CSMD3: variants seen among roughly 807,000 people sequenced by gnomAD.
CSMD3 encodes the protein CUB and Sushi multiple domains 3.
CSMD3 carries 177 observed loss-of-function variants against 435.2 expected under a neutral mutation model. The observed-to-expected ratio is 0.41, with a 90% CI of 0.36 to 0.46. The LOEUF is 0.46. CSMD3 is among the 20% of genes least tolerant of loss of function. The probability of loss-of-function intolerance (pLI) is 0.34; values close to 1 mark genes in which losing one functional copy is unlikely to be tolerated. For synonymous variants in CSMD3, 1,656 were observed against 1,520.5 expected (o/e 1.09, Z -2.07); for missense variants, 4,265 against 4,504.6 (o/e 0.95, Z 1.52).
intron 11 of CSMD3, among the ~76,000 whole-genome samples, chr8:112,857,515 T>G (rs2129824719): frequency 6.6e-6 from 1 of 151,870 alleles, no homozygotes; most frequent in African/African-American, 2.4e-5. Flanking sequence ...AATGCAAGAT[T>G]AATTAAATGT....
rs138071991 is a variant in CSMD3, at chr8:113,284,292, T to C, written c.402-5588A>G. On this transcript the variant is annotated intron_variant, in intron 2 of 70. Transcript: ENST00000297405. ...AAACCAGTGCTTCTGTCAATGTATG[T>C]CATGGAGGAGTCTCTCAGTAAGTAC... is the stretch of plus-strand genomic sequence containing the variant. Among the ~76,000 whole-genome samples, 430 of 152,272 alleles carry C rather than the reference T, an allele frequency of 2.8e-3. 2 individuals carry two copies. Among genetic ancestry groups the C allele is most frequent in the African/African-American group, 9.6e-3 (400 of 41,562 alleles).
intron 3 of CSMD3, among the ~76,000 whole-genome samples, chr8:113,224,684 A>G (rs2093006479): frequency 6.6e-6 from 1 of 151,334 alleles, no homozygotes; most frequent in African/African-American, 2.4e-5. Context: ...ATAGAACATT[A>G]TAATTACTAT....
chr8:112,506,830 C>T lies in CSMD3; in HGVS notation c.4757-1G>A, dbSNP rs770781490. ...CCTGTTAAATTGCCTCCACAGGGTG[C>T]TTTAATTTAAACAAACAAATAAAAT... On this transcript the variant is annotated splice_acceptor_variant, in intron 28 of 70. Coordinates refer to ENST00000297405, the MANE Select transcript of CSMD3 (RefSeq NM_198123.2). LOFTEE classifies it high-confidence loss of function. The T allele has an allele frequency of 6.2e-7, 1 of 1,611,408 alleles. No individual in the cohort carries two copies. Among genetic ancestry groups the T allele is most frequent in the Non-Finnish European group, 8.5e-7 (1 of 1,178,296 alleles).
intron 5 of CSMD3, among the ~76,000 whole-genome samples, chr8:113,043,429 G>A (rs548549951): frequency 5.1e-4 from 78 of 152,254 alleles, no homozygotes; most frequent in Non-Finnish European, 1.1e-3. Flanking sequence ...ACAGGAAAAT[G>A]TTTCCAGAAG....
At chr8:112,671,542 C>A (rs1471130156) in intron 16 of CSMD3, among the ~76,000 whole-genome samples, 1 of 152,106 alleles carries the variant, frequency 6.6e-6, no homozygotes, top group Non-Finnish European at 1.5e-5. Flanking sequence ...TTCAATTTTT[C>A]TTCTCCTTTG....
intron 32 of CSMD3, among the ~76,000 whole-genome samples, chr8:112,440,291 A>G (rs986904441): frequency 1.3e-5 from 2 of 152,128 alleles, no homozygotes; most frequent in African/African-American, 4.8e-5. Flanking sequence ...ATCTCCATTG[A>G]CTCCATGTCT....
At chr8:112,932,830 A>G (rs2083157956) in intron 9 of CSMD3, among the ~76,000 whole-genome samples, 2 of 152,150 alleles carry the variant, frequency 1.3e-5, no homozygotes, top group Non-Finnish European at 2.9e-5. Flanking sequence ...TAGCTATAAA[A>G]GAAGATTTTA....
chr8:112,289,746 G>A (rs1358512193), intron 56 of CSMD3, among the ~76,000 whole-genome samples: 1 of 152,012 alleles, frequency 6.6e-6, no homozygotes, highest in Admixed American at 6.6e-5. Flanking sequence ...TACTCATTCC[G>A]AGGATGAGTT....
At chr8:113,185,326 A>G (rs1380746860) in intron 3 of CSMD3, among the ~76,000 whole-genome samples, 1 of 152,100 alleles carries the variant, frequency 6.6e-6, no homozygotes, top group Non-Finnish European at 1.5e-5. Context: ...AGTTGAGGTG[A>G]TGTGGGAAGA....
intron 5 of CSMD3, among the ~76,000 whole-genome samples, chr8:113,035,718 A>T (rs991198724): frequency 6.6e-6 from 1 of 151,982 alleles, no homozygotes; most frequent in South Asian, 2.1e-4. Context: ...ACAAAATGTT[A>T]CTGTGCTTAG....
At position 113,278,609 on chromosome 8, in the gene CSMD3, A is replaced by C; in HGVS notation, c.497T>G (p.Phe166Cys). ...TSDFAVSAHG[F>C]KVYYEELQSS... is the part of the protein sequence containing the mutation. ...TCACTTACCTTCGTAATATACCTTA[A>C]ATCCATGAGCACTAACTGCAAAATC... The change falls in exon 3 of 71, where the codon TTT (phenylalanine) becomes TGT (cysteine). Residue 166 changes from phenylalanine to cysteine, a missense_variant. Physicochemically the swap from Phe to Cys is radical, Grantham distance 205. Coordinates refer to ENST00000297405, the MANE Select transcript of CSMD3 (RefSeq NM_198123.2). 6.4e-7 allele frequency: 1 copy of C among 1,557,068 alleles called. No homozygotes were observed. Among genetic ancestry groups the C allele is most frequent in the East Asian group, 2.2e-5 (1 of 44,570 alleles).
intron 2 of CSMD3, among the ~76,000 whole-genome samples, chr8:113,304,942 AC>A (rs2093806815): frequency 3.4e-5 from 5 of 148,276 alleles, no homozygotes; most frequent in Non-Finnish European, 7.4e-5. Flanking sequence ...AAAATGTGGC[AC>A]ATATACACCA....
chr8:112,304,398 A>G (rs1420381453), intron 52 of CSMD3, among the ~76,000 whole-genome samples: 1 of 151,694 alleles, frequency 6.6e-6, no homozygotes, highest in Non-Finnish European at 1.5e-5. Flanking sequence ...TTTTTAACCA[A>G]ATGAGTATAA....
At chr8:112,457,741 GTT>G (rs1356448935) in intron 32 of CSMD3, among the ~76,000 whole-genome samples, 3 of 151,986 alleles carry the variant, frequency 2.0e-5, no homozygotes, top group Admixed American at 6.6e-5. Context: ...TCAGTCCAGA[GTT>G]TGTGGCTCCA....
At chr8:113,112,778 T>G (rs1389768228) in intron 4 of CSMD3, among the ~76,000 whole-genome samples, 3 of 152,082 alleles carry the variant, frequency 2.0e-5, no homozygotes, top group Admixed American at 2.0e-4. Context: ...TTGCCTAAGG[T>G]AAACCAGCTG....
At chr8:112,465,734 G>C (rs1365272203) in intron 32 of CSMD3, among the ~76,000 whole-genome samples, 1 of 152,130 alleles carries the variant, frequency 6.6e-6, no homozygotes, top group Non-Finnish European at 1.5e-5. Context: ...CAGCATGTTG[G>C]AAGGCCCAGG....
chr8:113,400,375 G>A (rs2094504496), intron 1 of CSMD3, among the ~76,000 whole-genome samples: 1 of 151,830 alleles, frequency 6.6e-6, no homozygotes, highest in South Asian at 2.1e-4. Context: ...CTAATACTAG[G>A]GACGCAGAAT....
At chr8:113,097,611 T>A (rs1450865480) in intron 5 of CSMD3, among the ~76,000 whole-genome samples, 1 of 152,024 alleles carries the variant, frequency 6.6e-6, no homozygotes, top group Non-Finnish European at 1.5e-5. Context: ...TAAATACCAG[T>A]GTTGTGCTTC....
intron 9 of CSMD3, among the ~76,000 whole-genome samples, chr8:112,945,138 G>A (rs910964641): frequency 6.6e-6 from 1 of 151,490 alleles, no homozygotes; most frequent in Non-Finnish European, 1.5e-5. Context: ...TCCTCATGTT[G>A]TTCAAGCCTT....
Sources: gnomAD v4.1 joint callset for allele counts (sites outside exome capture counted in the v4.1 genomes callset) on GRCh38, gnomAD v4.1.1 for gene constraint, MANE v1.5 for transcripts, NCBI Gene and HGNC (gene_info 2026-07-23, HGNC 2026-07-21) for gene names.